Variants in COL14A1 observed in about 807,000 individuals in gnomAD.
COL14A1 encodes collagen alpha-1(XIV) chain.
Under a neutral mutation model 230.3 loss-of-function variants are expected in COL14A1, and 136 were observed. The ratio of observed to expected loss-of-function variants is 0.59; its 90% CI spans 0.51 to 0.68. The LOEUF is 0.68. COL14A1 is among the 30% of genes least tolerant of loss of function. The pLI, the probability that COL14A1 is intolerant of heterozygous loss-of-function variation, is 0.00. For missense variants in COL14A1, 1,976 were observed against 2,215.8 expected (o/e 0.89, Z 2.17); for synonymous variants, 792 against 784.1 (o/e 1.01, Z -0.17).
intron 5 of COL14A1, 137 bp from the exon 6 acceptor site, chr8:120,196,654 A>G: frequency 1.3e-6 from 1 of 772,466 alleles, no homozygotes; most frequent in Non-Finnish European, 2.0e-6. Context: ...TTAAGGGAAG[A>G]GTTGTAAAAA....
At chr8:120,329,909 G>A (rs1030281724) in intron 40 of COL14A1, among the ~76,000 whole-genome samples, 1 of 152,134 alleles carries the variant, frequency 6.6e-6, no homozygotes, top group Non-Finnish European at 1.5e-5. Context: ...AAGGGTGGGT[G>A]GAGGAGTGGG....
chr8:120,128,228 C>CGCGCGTGT (rs1371704696), intron 1 of COL14A1, among the ~76,000 whole-genome samples: 1 of 146,784 alleles, frequency 6.8e-6, no homozygotes, highest in Non-Finnish European at 1.5e-5. Flanking sequence ...TGTGCGCGCG[C>CGCGCGTGT]GTGTGTGTGT....
intron 45 of COL14A1, among the ~76,000 whole-genome samples, chr8:120,355,444 C>T (rs2130341601): frequency 6.7e-6 from 1 of 150,346 alleles, no homozygotes; most frequent in African/African-American, 2.4e-5. Flanking sequence ...CTTGCTTTGT[C>T]CCCCAGACTG....
At chr8:120,139,487 T>A (rs1425685746) in intron 1 of COL14A1, among the ~76,000 whole-genome samples, 1 of 152,208 alleles carries the variant, frequency 6.6e-6, no homozygotes, top group Non-Finnish European at 1.5e-5. Context: ...CCTCTGTCAT[T>A]ATCTGGATAT....
intron 5 of COL14A1, among the ~76,000 whole-genome samples, chr8:120,188,896 G>A (rs767839495): frequency 5.3e-5 from 8 of 152,192 alleles, no homozygotes; most frequent in Non-Finnish European, 8.8e-5. Context: ...GCTCCCAGGC[G>A]TGTCTGGTTT....
chr8:120,202,483 C>T (rs777834826), intron 8 of COL14A1, among the ~76,000 whole-genome samples: 2 of 152,028 alleles, frequency 1.3e-5, no homozygotes, highest in Non-Finnish European at 2.9e-5. Context: ...ATTGAAATGA[C>T]GGGGATTATA....
chr8:120,207,191 C>A, intron 10 of COL14A1, 97 bp downstream of exon 10: 1 of 1,055,284 alleles, frequency 9.5e-7, no homozygotes, highest in South Asian at 2.0e-5. Context: ...AAGATTATTC[C>A]GTCACAGACA....
At chr8:120,189,532 G>T (rs1220867961) in intron 5 of COL14A1, among the ~76,000 whole-genome samples, 1 of 151,116 alleles carries the variant, frequency 6.6e-6, no homozygotes, top group Non-Finnish European at 1.5e-5. Flanking sequence ...TGTGCACAAT[G>T]TGCAGGTTAG....
intron 34 of COL14A1, among the ~76,000 whole-genome samples, chr8:120,291,559 C>CAAAAAAAAAAAAA (rs375963111): frequency 2.4e-5 from 1 of 41,634 alleles, no homozygotes; most frequent in Admixed American, 2.9e-4. Context: ...GACTCCATCT[C>CAAAAAAAAAAAAA]AAAAAAAAAA....
chr8:120,312,954 G>T (rs1821094736), intron 37 of COL14A1, among the ~76,000 whole-genome samples: 1 of 152,144 alleles, frequency 6.6e-6, no homozygotes, highest in Non-Finnish European at 1.5e-5. Context: ...AGGTTTTTGG[G>T]TCTAATATTT....
At chr8:120,258,801 G>A (rs1438981172) in intron 23 of COL14A1, among the ~76,000 whole-genome samples, 2 of 152,126 alleles carry the variant, frequency 1.3e-5, no homozygotes, top group Non-Finnish European at 2.9e-5. Flanking sequence ...GTAATTCAGA[G>A]CCCTGTGAGG....
At chr8:120,346,938 CCT>C (rs1278392298) in intron 45 of COL14A1, among the ~76,000 whole-genome samples, 2 of 152,092 alleles carry the variant, frequency 1.3e-5, no homozygotes, top group African/African-American at 2.4e-5. Context: ...AAAGTTTTTC[CCT>C]GTGTCAGGGC....
chr8:120,262,528 A>G (rs1819368731), intron 23 of COL14A1, among the ~76,000 whole-genome samples: 1 of 152,056 alleles, frequency 6.6e-6, no homozygotes, highest in Admixed American at 6.6e-5. Flanking sequence ...AAACTAAATA[A>G]ATGCCCTCAC....
intron 2 of COL14A1, among the ~76,000 whole-genome samples, chr8:120,153,329 C>T (rs748119627): frequency 6.6e-6 from 1 of 152,108 alleles, no homozygotes; most frequent in East Asian, 1.9e-4. Flanking sequence ...ACCACAGGCC[C>T]ATGCAACCAC....
At chr8:120,152,060 G>A (rs1398402261) in intron 2 of COL14A1, among the ~76,000 whole-genome samples, 10 of 152,116 alleles carry the variant, frequency 6.6e-5, no homozygotes, top group Non-Finnish European at 1.5e-4. Flanking sequence ...AGCCCGGTGA[G>A]ATTGATTTCA....
intron 47 of COL14A1, 86 bp downstream of exon 47, chr8:120,369,571 A>T (rs1823519291): frequency 7.6e-7 from 1 of 1,313,784 alleles, no homozygotes. Context: ...GTGCTATGAA[A>T]AAAGTTAAAT....
chr8:120,270,077 G>A lies in COL14A1; in HGVS notation c.3116G>A (p.Gly1039Glu). 6.2e-7 allele frequency: 1 copy of A among 1,611,532 alleles called. No individual in the cohort carries two copies. The highest frequency in any genetic ancestry group is 8.5e-7 in the Non-Finnish European group (1 of 1,178,370). ...GCTGACCTGGTATTTATGGTGGATG[G>A]ATCCTGGAGCATTGGAGATGAAAAT... ...AKADLVFMVD[G>E]SWSIGDENFN... is the part of the protein sequence containing the mutation. The change falls in exon 26 of 48, where the codon GGA (glycine) becomes GAA (glutamate). Residue 1039 changes from glycine to glutamate, a missense_variant. This residue lies in a region of COL14A1 where 1,791 missense variants were observed against 2,019.5 expected (regional missense o/e 0.89). Coordinates refer to ENST00000297848, the MANE Select transcript of COL14A1 (RefSeq NM_021110.4).
rs750951088 is a variant in COL14A1, at chr8:120,280,038, T to C, written c.3585T>C (p.Phe1195=). 5.0e-6 allele frequency: 8 copies of C among 1,613,932 alleles called. No homozygotes were observed. The South Asian group carries it at 8.8e-5, about 18-fold the overall frequency. ...SARHVFFVDD[F]DAFKKIEDEL... ...GCCATGTCTTCTTTGTGGATGACTT[T>C]GACGCCTTTAAGAAAATCGAAGATG... The change falls in exon 29 of 48, where the codon TTT becomes TTC. Residue 1195 remains phenylalanine, a synonymous_variant. Transcript: ENST00000297848.
intron 5 of COL14A1, among the ~76,000 whole-genome samples, chr8:120,180,929 A>G (rs1816445939): frequency 6.6e-6 from 1 of 151,936 alleles, no homozygotes; most frequent in African/African-American, 2.4e-5. Flanking sequence ...CTGATCTCGA[A>G]CTCATGACAT....
Sources: gnomAD v4.1 joint callset for allele counts (sites outside exome capture counted in the v4.1 genomes callset) on GRCh38, gnomAD v4.1.1 for gene constraint, gnomAD v4.1.1 regional missense constraint, MANE v1.5 for transcripts, NCBI Gene and HGNC (gene_info 2026-07-23, HGNC 2026-07-21) for gene names.